Variants in RBPMS observed in about 807,000 individuals in gnomAD.
RBPMS encodes the protein RNA binding protein, mRNA processing factor.
A neutral mutation model predicts 26.8 loss-of-function variants in RBPMS; 7 were observed. The ratio of observed to expected loss-of-function variants is 0.26; its 90% CI spans 0.15 to 0.49. RBPMS has a LOEUF of 0.49. RBPMS is among the 20% of genes least tolerant of loss of function. The pLI is 0.98. For missense variants in RBPMS, 186 were observed against 250.0 expected (o/e 0.74, Z 1.73); for synonymous variants, 96 against 93.3 (o/e 1.03, Z -0.17).
At chr8:30,428,339 C>T (rs773212129) in intron 1 of RBPMS, among the ~76,000 whole-genome samples, 2 of 151,804 alleles carry the variant, frequency 1.3e-5, no homozygotes, top group Non-Finnish European at 2.9e-5. Flanking sequence ...CCATGTAGTC[C>T]CAGCTACTCA....
At chr8:30,547,542 G>A (rs2151057689) in intron 6 of RBPMS, 4 of 1,433,334 alleles carry the variant, frequency 2.8e-6, no homozygotes, top group East Asian at 4.8e-5. Flanking sequence ...GCAGCGTTTT[G>A]TTTTCATGGT....
intron 6 of RBPMS, chr8:30,547,455 C>T (rs1305219561): frequency 6.3e-7 from 1 of 1,576,288 alleles, no homozygotes. Context: ...CCCCCTTTCA[C>T]AAAAACTATT....
chr8:30,422,186 T>C (rs984503180), intron 1 of RBPMS, among the ~76,000 whole-genome samples: 4 of 151,576 alleles, frequency 2.6e-5, no homozygotes, highest in African/African-American at 9.7e-5. Flanking sequence ...AGTGCAGTGG[T>C]GCGATCTTGG....
At chr8:30,564,657 T>A (rs1827756643) in intron 7 of RBPMS, 2 of 152,224 alleles carry the variant, frequency 1.3e-5, no homozygotes, top group South Asian at 4.2e-4. Flanking sequence ...CTGTCTGGAG[T>A]CCTTGGAGAC....
At chr8:30,452,026 C>T (rs1814643796) in intron 1 of RBPMS, among the ~76,000 whole-genome samples, 2 of 152,172 alleles carry the variant, frequency 1.3e-5, no homozygotes, top group Non-Finnish European at 2.9e-5. Context: ...TACTAGAACA[C>T]AGGCCTTTTC....
At chr8:30,513,361 A>T (rs886267450) in intron 5 of RBPMS, among the ~76,000 whole-genome samples, 1 of 152,176 alleles carries the variant, frequency 6.6e-6, no homozygotes, top group Non-Finnish European at 1.5e-5. Context: ...AGGCCGAGGC[A>T]GGTGGATCAT....
In RBPMS at chr8:30,566,377, G is replaced by A. The variant is rs1827886522; in HGVS notation, c.*111+17G>A. 2 of 856,286 alleles carry A rather than the reference G, an allele frequency of 2.3e-6. No homozygotes were observed. The highest frequency in any genetic ancestry group is 2.8e-6 in the Non-Finnish European group (2 of 711,738). 53.0% of individuals were successfully genotyped at this position (856,286 alleles called of 1,614,324 possible). A position where few individuals can be genotyped will look rare whatever the true frequency, so the allele number is the denominator to read the frequency against. Reference sequence around the variant, plus strand: ...AGCATGCTGGTGAGTAACAGTCAGGGCTGAACAAGCCCTCAGGGGCGGCAT... The same window carrying A: ...AGCATGCTGGTGAGTAACAGTCAGGACTGAACAAGCCCTCAGGGGCGGCAT... On this transcript the variant is annotated intron_variant, in intron 8 of 8. Transcript: ENST00000397323.
chr8:30,510,296 T>C (rs1287805012), intron 5 of RBPMS, among the ~76,000 whole-genome samples: 2 of 152,196 alleles, frequency 1.3e-5, no homozygotes, highest in East Asian at 3.9e-4. Context: ...GAATGATTCA[T>C]AGGCCTTTAT....
chr8:30,385,534 G>C (rs1806946955), intron 1 of RBPMS: 1 of 194,088 alleles, frequency 5.2e-6, no homozygotes, highest in East Asian at 1.2e-4. Flanking sequence ...AGGGTCGGGG[G>C]GGGAGCAGTT....
chr8:30,389,058 A>T (rs1453909728), intron 1 of RBPMS, among the ~76,000 whole-genome samples: 1 of 152,206 alleles, frequency 6.6e-6, no homozygotes, highest in Non-Finnish European at 1.5e-5. Flanking sequence ...TGTCAGTTTG[A>T]TGTGGCAACC....
intron 1 of RBPMS, among the ~76,000 whole-genome samples, chr8:30,427,689 G>A (rs995586614): frequency 6.6e-5 from 10 of 152,128 alleles, no homozygotes; most frequent in African/African-American, 9.7e-5. Flanking sequence ...TGTCTTAATC[G>A]TCTTTGATCA....
chr8:30,556,698 G>A (rs568508483), intron 6 of RBPMS: 54 of 986,004 alleles, frequency 5.5e-5, no homozygotes, highest in Middle Eastern at 5.2e-4. Context: ...CTGTGTCCCC[G>A]CCCCGTCCTT....
At chr8:30,549,331 G>C (rs1021904281) in intron 6 of RBPMS, among the ~76,000 whole-genome samples, 1 of 152,206 alleles carries the variant, frequency 6.6e-6, no homozygotes, top group Non-Finnish European at 1.5e-5. Context: ...GATTCCTAAG[G>C]TATATACTGT....
chr8:30,559,787 G>C (rs1462877263), intron 7 of RBPMS, among the ~76,000 whole-genome samples: 1 of 152,234 alleles, frequency 6.6e-6, no homozygotes, highest in African/African-American at 2.4e-5. Flanking sequence ...TGATCCTCAT[G>C]CTGTTAGAAA....
chr8:30,437,074 CACCA>C (rs1812536545), intron 1 of RBPMS, among the ~76,000 whole-genome samples: 1 of 151,718 alleles, frequency 6.6e-6, no homozygotes, highest in South Asian at 2.1e-4. Context: ...AGGCGCCCGC[CACCA>C]TGCCCGCTAA....
chr8:30,450,787 C>CAAAAAAGAAAAAAA (rs1814480957), intron 1 of RBPMS, among the ~76,000 whole-genome samples: 2 of 87,384 alleles, frequency 2.3e-5, no homozygotes, highest in Non-Finnish European at 4.4e-5. Context: ...TGCCTGAAAG[C>CAAAAAAGAAAAAAA]AAAAAAAAAA....
At position 30,385,084 on chromosome 8, in the gene RBPMS, AC is replaced by A; in HGVS notation, c.-7del. On this transcript the variant is annotated 5_prime_UTR_variant, in exon 1 of 9. Transcript: ENST00000397323. The stretch of plus-strand genomic sequence containing the variant: ...GCCCTGCCCGGCCCGGCGAGGAAGG[AC>A]CGGGAAGATGAACAACGGCGGCAAA... 1 of 1,514,880 alleles carries A rather than the reference AC, an allele frequency of 6.6e-7. No individual in the cohort carries two copies. Among genetic ancestry groups the A allele is most frequent in the Non-Finnish European group, 8.8e-7 (1 of 1,131,728 alleles). The allele number at this position is 1,514,880 out of a possible 1,614,324, so 93.8% of individuals were successfully genotyped here. A position where few individuals can be genotyped will look rare whatever the true frequency, so the allele number is the denominator to read the frequency against.
Position 30,566,250 on chromosome 8 carries a change from A to G in RBPMS, c.*8-7A>G. On this transcript the variant is annotated splice_polypyrimidine_tract_variant and splice_region_variant and intron_variant, in intron 7 of 8. Coordinates refer to ENST00000397323, the MANE Select transcript of RBPMS (RefSeq NM_001008710.3). Reference sequence around the variant, plus strand: ...CACCGTTAACGGGTGATCTTTCTCCATCCCAGGTCCCAGGTGTGTGATGGC... The same window carrying G: ...CACCGTTAACGGGTGATCTTTCTCCGTCCCAGGTCCCAGGTGTGTGATGGC... The G allele has an allele frequency of 1.0e-6, 1 of 985,916 alleles. No individual in the cohort carries two copies. The highest frequency in any genetic ancestry group is 1.2e-6 in the Non-Finnish European group (1 of 829,980). The allele number at this position is 985,916 out of a possible 1,614,324, so 61.1% of individuals were successfully genotyped here.
intron 5 of RBPMS, among the ~76,000 whole-genome samples, chr8:30,510,851 G>A (rs1051660235): frequency 3.3e-5 from 5 of 152,154 alleles, no homozygotes; most frequent in African/African-American, 1.2e-4. Context: ...GGGATTACAG[G>A]TGTGAGCCAT....
Sources: gnomAD v4.1 joint callset for allele counts (sites outside exome capture counted in the v4.1 genomes callset) on GRCh38, gnomAD v4.1.1 for gene constraint, MANE v1.5 for transcripts, NCBI Gene and HGNC (gene_info 2026-07-23, HGNC 2026-07-21) for gene names.